RTN4RL1: variants seen among roughly 807,000 people sequenced by gnomAD.
RTN4RL1 encodes reticulon 4 receptor like 1.
Under a neutral mutation model 25.6 loss-of-function variants are expected in RTN4RL1, and 7 were observed. That is an observed-to-expected ratio of 0.27 (90% CI 0.16 to 0.51). The LOEUF is 0.51. Among genes scored for constraint, RTN4RL1 ranks in the 20% least tolerant of loss-of-function variants. The pLI is 0.97. For missense variants in RTN4RL1, 500 were observed against 615.6 expected (o/e 0.81, Z 1.99); for synonymous variants, 297 against 288.2 (o/e 1.03, Z -0.31).
chr17:1,955,888 A>T (rs1178385685), intron 1 of RTN4RL1, among the ~76,000 whole-genome samples: 1 of 152,164 alleles, frequency 6.6e-6, no homozygotes, highest in Non-Finnish European at 1.5e-5. Context: ...ATTGAATTAA[A>T]TAAGACTTGC....
intron 1 of RTN4RL1, chr17:2,018,942 T>C (rs940821644): frequency 2.6e-5 from 4 of 152,168 alleles, no homozygotes; most frequent in African/African-American, 9.7e-5. Context: ...AGCATCCATG[T>C]CTCCTCCCAG....
At chr17:2,004,367 C>CAAA (rs58690992) in intron 1 of RTN4RL1, among the ~76,000 whole-genome samples, 49 of 36,342 alleles carry the variant, frequency 1.3e-3, no homozygotes, top group African/African-American at 3.3e-3. Context: ...GACTCTGTCT[C>CAAA]AAAAAAAAAA....
intron 1 of RTN4RL1, among the ~76,000 whole-genome samples, chr17:1,977,220 G>A (rs1385318103): frequency 6.6e-6 from 1 of 152,192 alleles, no homozygotes; most frequent in African/African-American, 2.4e-5. Context: ...GTGCACAGAC[G>A]GGCGAGACGC....
chr17:1,973,365 T>TAA (rs35165215), intron 1 of RTN4RL1, among the ~76,000 whole-genome samples: 10 of 124,816 alleles, frequency 8.0e-5, no homozygotes, highest in African/African-American at 9.0e-5. Context: ...GACACTGTCT[T>TAA]AAAAAAAAAA....
At chr17:1,992,054 T>C (rs2151319461) in intron 1 of RTN4RL1, among the ~76,000 whole-genome samples, 1 of 147,618 alleles carries the variant, frequency 6.8e-6, no homozygotes, top group African/African-American at 2.5e-5. Flanking sequence ...GGAGCAAGGG[T>C]TGGACTGCAT....
chr17:1,959,334 C>T (rs552159490), intron 1 of RTN4RL1, among the ~76,000 whole-genome samples: 1 of 152,212 alleles, frequency 6.6e-6, no homozygotes, highest in African/African-American at 2.4e-5. Flanking sequence ...AATCTGCTCA[C>T]CTTGGCAGCA....
At position 1,980,148 on chromosome 17, in the gene RTN4RL1, T is replaced by TTG. The variant is rs1409332966; in HGVS notation, c.14-42341_14-42340insCA. Among the ~76,000 whole-genome samples the TTG allele has an allele frequency of 2.6e-3, 393 of 151,708 alleles. 2 individuals carry two copies. Among genetic ancestry groups the TTG allele is most frequent in the African/African-American group, 9.0e-3 (369 of 41,092 alleles). On this transcript the variant is annotated intron_variant, in intron 1 of 1. Coordinates refer to ENST00000331238, the MANE Select transcript of RTN4RL1 (RefSeq NM_178568.4). ...CCACAATCACGGCTCACCAAAGCCTTGACCTCCCAGGCTCAGGTGATCCTC... is the reference window on the plus strand; with the variant it reads ...CCACAATCACGGCTCACCAAAGCCTTTGGACCTCCCAGGCTCAGGTGATCCTC...
At chr17:1,991,963 AGAG>A (rs2066910774) in intron 1 of RTN4RL1, among the ~76,000 whole-genome samples, 1 of 152,140 alleles carries the variant, frequency 6.6e-6, no homozygotes, top group Non-Finnish European at 1.5e-5. Context: ...CCAGAAGAGG[AGAG>A]ACGTGTACTG....
intron 1 of RTN4RL1, among the ~76,000 whole-genome samples, chr17:1,965,480 G>A (rs887818360): frequency 6.6e-6 from 1 of 152,230 alleles, no homozygotes; most frequent in African/African-American, 2.4e-5. Flanking sequence ...TTGGTCTTGA[G>A]TGGGGAACAC....
At chr17:1,987,440 G>A (rs915493785) in intron 1 of RTN4RL1, among the ~76,000 whole-genome samples, 2 of 152,140 alleles carry the variant, frequency 1.3e-5, no homozygotes, top group African/African-American at 4.8e-5. Context: ...CGCCAACTCC[G>A]TGAAGCCATG....
intron 1 of RTN4RL1, among the ~76,000 whole-genome samples, chr17:1,996,934 C>T (rs1260733467): frequency 1.3e-5 from 2 of 152,150 alleles, no homozygotes; most frequent in African/African-American, 4.8e-5. Flanking sequence ...CTGCCAGCTG[C>T]AGATGTGTAA....
chr17:1,976,408 T>C (rs549788552), intron 1 of RTN4RL1, among the ~76,000 whole-genome samples: 31 of 152,328 alleles, frequency 2.0e-4, no homozygotes, highest in Non-Finnish European at 3.8e-4. Flanking sequence ...TCAGTTTCAC[T>C]GTAAGGTTTG....
intron 1 of RTN4RL1, among the ~76,000 whole-genome samples, chr17:1,960,217 CTTCTG>C (rs1449938155): frequency 7.2e-6 from 1 of 138,948 alleles, no homozygotes; most frequent in African/African-American, 2.6e-5. Context: ...GGGCCACTCT[CTTCTG>C]TTCCCTGGAC....
Position 1,998,626 on chromosome 17 carries a change from C to T in RTN4RL1, c.13+26227G>A, listed in dbSNP as rs187142561. ...GGTGGGGGACGTGGGGCCGGCTCGC[C>T]TCCTCCTGGGCTCGCCGGGATGTGG... On this transcript the variant is annotated intron_variant, in intron 1 of 1. Transcript: ENST00000331238. This position sits in a 1 kb window ranked among gnomAD's most constrained non-coding sequence, Gnocchi z 4.9. 4.1e-4 allele frequency among the ~76,000 whole-genome samples: 63 copies of T among 152,186 alleles called. No homozygotes were observed. In the East Asian group the frequency reaches 0.011, roughly 27 times the overall value.
intron 1 of RTN4RL1, among the ~76,000 whole-genome samples, chr17:1,978,637 G>GA (rs1358754128): frequency 6.6e-6 from 1 of 152,128 alleles, no homozygotes; most frequent in Admixed American, 6.6e-5. Context: ...GGAAAATGGG[G>GA]GGGGTGGAGG....
At chr17:1,940,125 G>A (rs907769023) in intron 1 of RTN4RL1, among the ~76,000 whole-genome samples, 1 of 152,230 alleles carries the variant, frequency 6.6e-6, no homozygotes, top group Non-Finnish European at 1.5e-5. Flanking sequence ...GTAAATAAGT[G>A]ACAGCTCCCA....
Position 1,936,705 on chromosome 17 carries a change from G to C in RTN4RL1, c.1117C>G (p.Gln373Glu). 1.3e-6 allele frequency: 2 copies of C among 1,583,114 alleles called. No homozygotes were observed. The highest frequency in any genetic ancestry group is 1.7e-6 in the Non-Finnish European group (2 of 1,167,228). The change falls in exon 2 of 2, where the codon CAG (glutamine) becomes GAG (glutamate). Residue 373 changes from glutamine (Q) to glutamate (E), a missense_variant. This residue lies in a region of RTN4RL1 where 268 missense variants were observed against 274.5 expected (regional missense o/e 0.98). Transcript: ENST00000331238. ...GCATAGTCTGGCAGCTCGGGGGCCTGTTTCCCGGCGCCCGCCTTAGAGATC... is the reference window on the plus strand; with the variant it reads ...GCATAGTCTGGCAGCTCGGGGGCCTCTTTCCCGGCGCCCGCCTTAGAGATC... ...NQISKAGAGK[Q>E]APELPDYAPD...
At chr17:1,968,483 T>C (rs1404786123) in intron 1 of RTN4RL1, among the ~76,000 whole-genome samples, 2 of 152,190 alleles carry the variant, frequency 1.3e-5, no homozygotes, top group African/African-American at 4.8e-5. Context: ...TTTCTAAAAC[T>C]CAGCTCCGAT....
chr17:1,954,087 T>C (rs921299687), intron 1 of RTN4RL1, among the ~76,000 whole-genome samples: 1 of 152,210 alleles, frequency 6.6e-6, no homozygotes, highest in African/African-American at 2.4e-5. Flanking sequence ...CAACCAATGC[T>C]GGAATTTCCA....
Sources: gnomAD v4.1 joint callset for allele counts (sites outside exome capture counted in the v4.1 genomes callset) on GRCh38, gnomAD v4.1.1 for gene constraint, gnomAD v4.1.1 regional missense constraint, Gnocchi (gnomAD v3.1) non-coding constraint, MANE v1.5 for transcripts, NCBI Gene and HGNC (gene_info 2026-07-23, HGNC 2026-07-21) for gene names.